RHCE: variants seen among roughly 807,000 people sequenced by gnomAD.
RHCE encodes the protein blood group Rh(CE) polypeptide.
Under a neutral mutation model 43.8 loss-of-function variants are expected in RHCE, and 22 were observed. The observed-to-expected ratio is 0.50, with a 90% CI of 0.36 to 0.72. RHCE has a LOEUF of 0.72. Ranked by LOEUF, RHCE falls within the 30% of genes least tolerant of loss-of-function variation. RHCE has a pLI of 0.00. For synonymous variants in RHCE, 156 were observed against 210.7 expected, an observed-to-expected ratio of 0.74 and a Z score of 2.25; for missense variants, 385 against 525.4, an observed-to-expected ratio of 0.73 and a Z score of 2.61.
At chr1:25,368,014 A>G (rs1009793393) in intron 9 of RHCE, among the ~76,000 whole-genome samples, 1 of 150,860 alleles carries the variant, frequency 6.6e-6, no homozygotes, top group Non-Finnish European at 1.5e-5. Flanking sequence ...TTAGTGACAG[A>G]AAGTAGTTCA....
chr1:25,391,029 G>C (rs1646344675), intron 4 of RHCE, 114 bp from the exon 5 acceptor site: 6 of 1,435,630 alleles, frequency 4.2e-6, no homozygotes, highest in Non-Finnish European at 5.9e-6. Context: ...TTGTCACTTA[G>C]AGTTAGATGG....
chr1:25,405,106 C>T (rs1488276107), intron 2 of RHCE, among the ~76,000 whole-genome samples: 1 of 149,244 alleles, frequency 6.7e-6, no homozygotes, highest in Non-Finnish European at 1.5e-5. Context: ...GGCTGTAATT[C>T]CAGTACTTTT....
chr1:25,427,541 T>G (rs1223165524), intron 2 of RHCE, among the ~76,000 whole-genome samples: 4 of 152,246 alleles, frequency 2.6e-5, no homozygotes, highest in Non-Finnish European at 5.9e-5. Context: ...AGGCTGGCAC[T>G]TGGCTGGAGC....
At chr1:25,423,522 G>T (rs887135460), upstream of RHCE, among the ~76,000 whole-genome samples, 4 of 152,206 alleles carry the variant, frequency 2.6e-5, no homozygotes, top group Non-Finnish European at 4.4e-5. Flanking sequence ...GGGACTGACT[G>T]CTTGACAAGA....
chr1:25,388,864 A>G, intron 6 of RHCE, 112 bp downstream of exon 6: 1 of 1,561,530 alleles, frequency 6.4e-7, no homozygotes, highest in Admixed American at 1.7e-5. Flanking sequence ...CCAATAAGAG[A>G]ATGCACCAAC....
upstream of RHCE, among the ~76,000 whole-genome samples, chr1:25,421,307 C>G (rs943605999): frequency 1.3e-5 from 2 of 152,054 alleles, no homozygotes; most frequent in African/African-American, 4.8e-5. Context: ...GGAGCTGAGC[C>G]CTGGGGAGGA....
chr1:25,392,442 G>A (rs1207087399), intron 3 of RHCE, among the ~76,000 whole-genome samples: 2 of 151,884 alleles, frequency 1.3e-5, no homozygotes, highest in African/African-American at 4.8e-5. Flanking sequence ...TGTATTTTTA[G>A]TAGAGATGGG....
intron 3 of RHCE, 96 bp from the exon 4 acceptor site, chr1:25,392,237 G>A (rs1178860883): frequency 3.8e-6 from 6 of 1,599,734 alleles, no homozygotes; most frequent in Non-Finnish European, 5.1e-6. Context: ...CTTCACTTAG[G>A]AGGTGTGACT....
In RHCE at chr1:25,389,172, T is replaced by C. The variant is rs547718605; in HGVS notation, c.802-59A>G. 2.6e-6 allele frequency: 4 copies of C among 1,545,666 alleles called. No individual in the cohort carries two copies. In the South Asian group the frequency reaches 4.5e-5, roughly 17 times the overall value. On this transcript the variant is annotated intron_variant, in intron 5 of 9. Coordinates refer to ENST00000294413, the MANE Select transcript of RHCE (RefSeq NM_020485.8). ...AGGTAGAGAGAGAACACCATCTTGCTGCAAGTGACCAGCACGCTGGGAACA... is the reference window on the plus strand; with the variant it reads ...AGGTAGAGAGAGAACACCATCTTGCCGCAAGTGACCAGCACGCTGGGAACA...
intron 4 of RHCE, 21 bp from the exon 5 acceptor site, chr1:25,390,936 T>G (rs1557617790): frequency 6.2e-7 from 1 of 1,614,002 alleles, no homozygotes; most frequent in Non-Finnish European, 8.5e-7. Context: ...GAGAGGGTGG[T>G]TGGCCAGAAT....
chr1:25,413,492 G>A (rs1647164986), intron 1 of RHCE, among the ~76,000 whole-genome samples: 1 of 152,256 alleles, frequency 6.6e-6, no homozygotes, highest in Non-Finnish European at 1.5e-5. Context: ...ATAAGAAGTG[G>A]ATGTCCTACC....
chr1:25,379,487 ATATATATATTT>A (rs1293791656), intron 7 of RHCE, among the ~76,000 whole-genome samples: 6 of 20,942 alleles, frequency 2.9e-4, no homozygotes, highest in East Asian at 5.2e-3. Flanking sequence ...ATATATATAT[ATATATATATTT>A]TTTTTTTTTT....
intron 7 of RHCE, among the ~76,000 whole-genome samples, chr1:25,378,522 C>A (rs1370817012): frequency 6.6e-6 from 1 of 152,236 alleles, no homozygotes; most frequent in African/African-American, 2.4e-5. Context: ...ATCCGGCATT[C>A]ATTTATGACA....
chr1:25,400,058 C>CA (rs1378027119), intron 3 of RHCE, among the ~76,000 whole-genome samples: 3 of 152,092 alleles, frequency 2.0e-5, no homozygotes, highest in African/African-American at 7.2e-5. Flanking sequence ...TATCAGTGCT[C>CA]AAAATCCCAC....
chr1:25,378,836 A>G (rs1336522004), intron 7 of RHCE, among the ~76,000 whole-genome samples: 4 of 152,174 alleles, frequency 2.6e-5, no homozygotes. Context: ...CTTTCCTTCC[A>G]ATAATACTGG....
chr1:25,392,161 G>C lies in RHCE; in HGVS notation c.487-20C>G, dbSNP rs775130441. The C allele has an allele frequency of 1.3e-5, 21 of 1,613,998 alleles. No individual in the cohort carries two copies. The Admixed American group carries it at 2.5e-4, about 19-fold the overall frequency. ...GTCTGTCTGCAATAAAACCCAGTAA[G>C]AGCAGTGAGTGTCGGCATCCTCTGC... On this transcript the variant is annotated intron_variant, in intron 3 of 9. Coordinates refer to ENST00000294413, the MANE Select transcript of RHCE (RefSeq NM_020485.8).
At chr1:25,386,495 G>A (rs1361640073) in intron 6 of RHCE, among the ~76,000 whole-genome samples, 1 of 152,160 alleles carries the variant, frequency 6.6e-6, no homozygotes, top group Non-Finnish European at 1.5e-5. Context: ...AGTCAGGCTG[G>A]TTCCTTCCTT....
intron 3 of RHCE, among the ~76,000 whole-genome samples, chr1:25,393,982 T>TTTTATTTA (rs537910205): frequency 2.8e-4 from 42 of 152,064 alleles, no homozygotes; most frequent in Admixed American, 9.2e-4. Context: ...TGCTTTTTAT[T>TTTTATTTA]TTTATTTATT....
At chr1:25,411,159 T>C (rs532922266) in intron 1 of RHCE, among the ~76,000 whole-genome samples, 1 of 151,726 alleles carries the variant, frequency 6.6e-6, no homozygotes, top group South Asian at 2.1e-4. Flanking sequence ...CATAGCCCTG[T>C]GGTCTTCTAA....
Sources: gnomAD v4.1 joint callset for allele counts (sites outside exome capture counted in the v4.1 genomes callset) on GRCh38, gnomAD v4.1.1 for gene constraint, MANE v1.5 for transcripts, NCBI Gene and HGNC (gene_info 2026-07-23, HGNC 2026-07-21) for gene names.